FBXO8: variants seen among roughly 807,000 people sequenced by gnomAD.
FBXO8 encodes F-box protein 8, also known as F-box only protein 8.
In FBXO8, 15 loss-of-function variants were observed where a neutral mutation model predicts 33.4. That is an observed-to-expected ratio of 0.45 (90% CI 0.30 to 0.69). FBXO8 has a LOEUF of 0.69. FBXO8 is among the 30% of genes least tolerant of loss of function. The pLI, the probability that FBXO8 is intolerant of heterozygous loss-of-function variation, is 0.08. For synonymous variants in FBXO8, 132 were observed against 131.5 expected, an observed-to-expected ratio of 1.00 and a Z score of -0.02; for missense variants, 274 against 380.3, an observed-to-expected ratio of 0.72 and a Z score of 2.32.
chr4:174,237,422 A>C lies in FBXO8; in HGVS notation c.950T>G (p.Val317Gly), dbSNP rs1299133255. 6 of 1,611,878 alleles carry C rather than the reference A, an allele frequency of 3.7e-6. No homozygotes were observed. The highest frequency in any genetic ancestry group is 5.1e-6 in the Non-Finnish European group (6 of 1,178,496). The change falls in exon 6 of 6, where the codon GTG (valine) becomes GGG (glycine). Residue 317 changes from valine to glycine, a missense_variant. Transcript: ENST00000393674. The surrounding 1 kb of genome is among the most constrained non-coding windows in gnomAD (Gnocchi z 4.4). ...TAGCAATTGTGCTTTTTATGCAGCCACATGGCCAATAAGGTAGATATTGTC... is the reference window on the plus strand; with the variant it reads ...TAGCAATTGTGCTTTTTATGCAGCCCCATGGCCAATAAGGTAGATATTGTC... Reference protein sequence around the residue: ...LYDNIYLIGHVAA With the variant: ...LYDNIYLIGHGAA
At position 174,254,378 on chromosome 4, in the gene FBXO8, G is replaced by C. The variant is rs527935805; in HGVS notation, c.456+5321C>G. ...ATAAAGCCAAATTTCTAGATGTATA[G>C]AACTAAGGATAAAACCTCAAAAGGT... On this transcript the variant is annotated intron_variant, in intron 3 of 5. Coordinates refer to ENST00000393674, the MANE Select transcript of FBXO8 (RefSeq NM_012180.3). This position sits in a 1 kb window ranked among gnomAD's most constrained non-coding sequence, Gnocchi z 4.2. 7.9e-5 allele frequency among the ~76,000 whole-genome samples: 12 copies of C among 152,160 alleles called. No individual in the cohort carries two copies. The highest frequency in any genetic ancestry group is 2.6e-4 in the Admixed American group (4 of 15,270).
chr4:174,273,799 T>C (rs965654517), intron 1 of FBXO8, among the ~76,000 whole-genome samples: 6 of 152,186 alleles, frequency 3.9e-5, no homozygotes, highest in African/African-American at 1.4e-4. Context: ...AATCCAGGCA[T>C]GTAAATTTGA....
At chr4:174,279,444 A>T (rs1442593352) in intron 1 of FBXO8, among the ~76,000 whole-genome samples, 2 of 152,132 alleles carry the variant, frequency 1.3e-5, no homozygotes, top group African/African-American at 2.4e-5. Context: ...AGTGATCTAT[A>T]GATTCAATGT....
In FBXO8 at chr4:174,265,273, GCTTTTT is replaced by G. The variant is rs1332528513; in HGVS notation, c.-8-2179_-8-2174del. Among the ~76,000 whole-genome samples the G allele has an allele frequency of 1.3e-5, 1 of 77,306 alleles. No individual in the cohort carries two copies. The highest frequency in any genetic ancestry group is 4.9e-5 in the African/African-American group (1 of 20,516). The allele number at this position is 77,306 out of a possible 152,430, so 50.7% of individuals were successfully genotyped here. A position where few individuals can be genotyped will look rare whatever the true frequency, so the allele number is the denominator to read the frequency against. Reference sequence around the variant, plus strand: ...TATTTAGGTATTTACCTAATTAAAAGCTTTTTATTTAGGTATTTACCTAATTAAAAG... The same window carrying G: ...TATTTAGGTATTTACCTAATTAAAAGATTTAGGTATTTACCTAATTAAAAG... On this transcript the variant is annotated intron_variant, in intron 1 of 5. Coordinates refer to ENST00000393674, the MANE Select transcript of FBXO8 (RefSeq NM_012180.3). The surrounding 1 kb of genome is among the most constrained non-coding windows in gnomAD (Gnocchi z 4.7).
At position 174,255,718 on chromosome 4, in the gene FBXO8, T is replaced by A. The variant is rs1736399969; in HGVS notation, c.456+3981A>T. Among the ~76,000 whole-genome samples the A allele has an allele frequency of 6.6e-6, 1 of 152,046 alleles. No individual in the cohort carries two copies. Among genetic ancestry groups the A allele is most frequent in the Non-Finnish European group, 1.5e-5 (1 of 68,002 alleles). On this transcript the variant is annotated intron_variant, in intron 3 of 5. Coordinates refer to ENST00000393674, the MANE Select transcript of FBXO8 (RefSeq NM_012180.3). This position sits in a 1 kb window ranked among gnomAD's most constrained non-coding sequence, Gnocchi z 4.3. ...CCATGTTCACTACCAATTTTTCAGA[T>A]CCTAAATTTAAAAATAACTACGTCA...
At chr4:174,243,855 T>G (rs982898867) in intron 3 of FBXO8, among the ~76,000 whole-genome samples, 9 of 151,276 alleles carry the variant, frequency 5.9e-5, no homozygotes, top group Non-Finnish European at 8.9e-5. Context: ...TGTAGCTCAG[T>G]ATAGTCTACA....
In FBXO8 at chr4:174,256,148, G is replaced by A. The variant is rs1205228243; in HGVS notation, c.456+3551C>T. The A allele has an allele frequency of 4.4e-6, 2 of 455,402 alleles. No individual in the cohort carries two copies. Among genetic ancestry groups the A allele is most frequent in the East Asian group, 7.0e-5 (1 of 14,388 alleles). The allele number at this position is 455,402 out of a possible 1,614,324, so 28.2% of individuals were successfully genotyped here. ...TTGGAGAATCTTGTTCCCTGTGGCT[G>A]TAAGTATTCTTATTTTTATAATATT... is the stretch of plus-strand genomic sequence containing the variant. On this transcript the variant is annotated intron_variant, in intron 3 of 5. Transcript: ENST00000393674. This position sits in a 1 kb window ranked among gnomAD's most constrained non-coding sequence, Gnocchi z 4.6.
In FBXO8 at chr4:174,255,497, A is replaced by G. The variant is rs552270335; in HGVS notation, c.456+4202T>C. 1.4e-4 allele frequency among the ~76,000 whole-genome samples: 21 copies of G among 152,092 alleles called. No individual in the cohort carries two copies. In the South Asian group the frequency reaches 4.4e-3, roughly 32 times the overall value. On this transcript the variant is annotated intron_variant, in intron 3 of 5. Transcript: ENST00000393674. This position sits in a 1 kb window ranked among gnomAD's most constrained non-coding sequence, Gnocchi z 4.3. ...CATGTGGATAGGTCAAATTTAAAATATTTTTATAATAGATTATTTAGTAAA... is the reference window on the plus strand; with the variant it reads ...CATGTGGATAGGTCAAATTTAAAATGTTTTTATAATAGATTATTTAGTAAA...
rs1736990994 is a variant in FBXO8 at position 174,277,794 on chromosome 4, G to C, written c.-9+5616C>G. 1.3e-5 allele frequency among the ~76,000 whole-genome samples: 2 copies of C among 152,190 alleles called. No individual in the cohort carries two copies. Among genetic ancestry groups the C allele is most frequent in the South Asian group, 4.1e-4 (2 of 4,826 alleles). On this transcript the variant is annotated intron_variant, in intron 1 of 5. Coordinates refer to ENST00000393674, the MANE Select transcript of FBXO8 (RefSeq NM_012180.3). This position sits in a 1 kb window ranked among gnomAD's most constrained non-coding sequence, Gnocchi z 4.9. ...AAGGTTTAAAATGTGTGCTACAATA[G>C]TTATCTCTAAAATACAAATTCTAAC... is the stretch of plus-strand genomic sequence containing the variant.
intron 4 of FBXO8, among the ~76,000 whole-genome samples, chr4:174,240,637 C>T (rs538071971): frequency 1.3e-4 from 19 of 151,764 alleles, no homozygotes; most frequent in Non-Finnish European, 1.6e-4. Context: ...CACACTTGAA[C>T]ATAACATTTC....
In FBXO8 at chr4:174,281,647, G is replaced by A. The variant is rs933919743; in HGVS notation, c.-9+1763C>T. Among the ~76,000 whole-genome samples the A allele has an allele frequency of 1.5e-4, 23 of 152,026 alleles. No individual in the cohort carries two copies. The highest frequency in any genetic ancestry group is 3.9e-4 in the East Asian group (2 of 5,184). On this transcript the variant is annotated intron_variant, in intron 1 of 5. Coordinates refer to ENST00000393674, the MANE Select transcript of FBXO8 (RefSeq NM_012180.3). The surrounding 1 kb of genome is among the most constrained non-coding windows in gnomAD (Gnocchi z 4.6). ...GTCAAGGCTACAGTGAGTCTTGTTC[G>A]CACCACTGCACTCCAGCCTGGGCAA...
At chr4:174,240,698 G>A (rs556869652) in intron 4 of FBXO8, among the ~76,000 whole-genome samples, 1 of 151,296 alleles carries the variant, frequency 6.6e-6, no homozygotes, top group Non-Finnish European at 1.5e-5. Context: ...TAGGATTTGG[G>A]GTTTATGACT....
In FBXO8 at chr4:174,267,324, A is replaced by G. The variant is rs1332268327; in HGVS notation, c.-8-4224T>C. 2.0e-5 allele frequency among the ~76,000 whole-genome samples: 3 copies of G among 152,176 alleles called. No homozygotes were observed. The highest frequency in any genetic ancestry group is 7.2e-5 in the African/African-American group (3 of 41,440). ...GCACTTTTCGAGAAGCTGAGGCAGG[A>G]GGACTGCTTGAGACCAAGAGTTCAA... is the stretch of plus-strand genomic sequence containing the variant. On this transcript the variant is annotated intron_variant, in intron 1 of 5. Transcript: ENST00000393674. The surrounding 1 kb of genome is among the most constrained non-coding windows in gnomAD (Gnocchi z 4.7).
rs1401235398 is a variant in FBXO8, at chr4:174,247,073, G to A, written c.457-5855C>T. On this transcript the variant is annotated intron_variant, in intron 3 of 5. Transcript: ENST00000393674. The surrounding 1 kb of genome is among the most constrained non-coding windows in gnomAD (Gnocchi z 4.6). ...GTTAAGCAAAATCTACCATACATAT[G>A]TTCAGAATCAGTAAATATATATTTG... is the stretch of plus-strand genomic sequence containing the variant. 1.3e-5 allele frequency among the ~76,000 whole-genome samples: 2 copies of A among 152,040 alleles called. No homozygotes were observed. Among genetic ancestry groups the A allele is most frequent in the African/African-American group, 4.8e-5 (2 of 41,414 alleles).
chr4:174,262,140 T>C lies in FBXO8; in HGVS notation c.329+624A>G, dbSNP rs1736578523. On this transcript the variant is annotated intron_variant, in intron 2 of 5. Coordinates refer to ENST00000393674, the MANE Select transcript of FBXO8 (RefSeq NM_012180.3). The surrounding 1 kb of genome is among the most constrained non-coding windows in gnomAD (Gnocchi z 4.6). ...TAGTACAATGTGGAAATTTATGTAA[T>C]CTAAGTTCAGCAAGTAAATAAAAAC... 6.6e-6 allele frequency among the ~76,000 whole-genome samples: 1 copy of C among 152,144 alleles called. No homozygotes were observed. Among genetic ancestry groups the C allele is most frequent in the Non-Finnish European group, 1.5e-5 (1 of 67,996 alleles).
At position 174,262,592 on chromosome 4, in the gene FBXO8, T is replaced by G. The variant is rs1439335214; in HGVS notation, c.329+172A>C. Reference sequence around the variant, plus strand: ...TTCTATTGTCCTCCTTTTCACAAGATCAAATTTGACTGTGATGCTAACTGT... The same window carrying G: ...TTCTATTGTCCTCCTTTTCACAAGAGCAAATTTGACTGTGATGCTAACTGT... On this transcript the variant is annotated intron_variant, in intron 2 of 5. Transcript: ENST00000393674. This position sits in a 1 kb window ranked among gnomAD's most constrained non-coding sequence, Gnocchi z 4.6. 6.6e-6 allele frequency among the ~76,000 whole-genome samples: 1 copy of G among 152,168 alleles called. No homozygotes were observed. Among genetic ancestry groups the G allele is most frequent in the Non-Finnish European group, 1.5e-5 (1 of 68,024 alleles).
intron 1 of FBXO8, among the ~76,000 whole-genome samples, chr4:174,269,814 T>C (rs540351638): frequency 2.0e-5 from 3 of 152,190 alleles, no homozygotes; most frequent in Non-Finnish European, 4.4e-5. Flanking sequence ...CTTTATAAAT[T>C]GGATGAAGCA....
intron 3 of FBXO8, among the ~76,000 whole-genome samples, chr4:174,246,359 C>T (rs1736157168): frequency 6.6e-6 from 1 of 151,878 alleles, no homozygotes; most frequent in Non-Finnish European, 1.5e-5. Flanking sequence ...TTTTCTTTTT[C>T]TTTCAAATAG....
chr4:174,240,664 G>A (rs183290936), intron 4 of FBXO8, among the ~76,000 whole-genome samples: 8 of 151,664 alleles, frequency 5.3e-5, no homozygotes, highest in Admixed American at 5.3e-4. Flanking sequence ...GTGTCTACAT[G>A]CAAATATATA....
Sources: allele counts gnomAD v4.1 joint callset (sites outside exome capture counted in the v4.1 genomes callset), GRCh38; gene constraint gnomAD v4.1.1; non-coding constraint Gnocchi (gnomAD v3.1); transcripts MANE v1.5; gene names NCBI Gene and HGNC (gene_info 2026-07-23, HGNC 2026-07-21).